The following SCFD2 variants were observed in gnomAD, a reference collection of about 807,000 sequenced individuals.
SCFD2 encodes sec1 family domain-containing protein 2.
SCFD2 carries 54 observed loss-of-function variants against 58.9 expected under a neutral mutation model. The observed-to-expected ratio is 0.92, with a 90% CI of 0.74 to 1.15. The LOEUF is 1.15. SCFD2 is among the 50% of genes most tolerant of loss of function. The pLI is 0.00. For missense variants in SCFD2, 805 were observed against 836.6 expected (o/e 0.96, Z 0.47); for synonymous variants, 321 against 335.9 (o/e 0.96, Z 0.49).
intron 4 of SCFD2, among the ~76,000 whole-genome samples, chr4:53,250,512 A>C (rs1249637502): frequency 6.6e-6 from 1 of 152,188 alleles, no homozygotes; most frequent in Non-Finnish European, 1.5e-5. Flanking sequence ...CTCCTCAGCA[A>C]ATGTAAAAGA....
intron 4 of SCFD2, among the ~76,000 whole-genome samples, chr4:53,256,588 T>C (rs773863673): frequency 3.3e-5 from 5 of 151,966 alleles, no homozygotes; most frequent in Admixed American, 6.6e-5. Context: ...CTGGGCACCA[T>C]TGAGCACTGA....
intron 4 of SCFD2, among the ~76,000 whole-genome samples, chr4:53,239,309 A>T (rs2149022650): frequency 6.6e-6 from 1 of 152,058 alleles, no homozygotes; most frequent in South Asian, 2.1e-4. Flanking sequence ...AGTACAGTCC[A>T]GCTTTGGCTC....
intron 4 of SCFD2, among the ~76,000 whole-genome samples, chr4:53,173,683 C>A (rs1008980422): frequency 6.6e-6 from 1 of 151,916 alleles, no homozygotes; most frequent in Non-Finnish European, 1.5e-5. Context: ...TCCTGTCTTC[C>A]TTTGTGGTTT....
chr4:53,150,162 C>G (rs551262400), intron 4 of SCFD2, among the ~76,000 whole-genome samples: 37 of 151,954 alleles, frequency 2.4e-4, no homozygotes, highest in South Asian at 1.2e-3. Flanking sequence ...TAAAGCTATT[C>G]TAAAATAAAA....
At chr4:53,042,938 T>C (rs1577680458) in intron 5 of SCFD2, among the ~76,000 whole-genome samples, 2 of 152,294 alleles carry the variant, frequency 1.3e-5, no homozygotes, top group African/African-American at 2.4e-5. Flanking sequence ...GGACTTACTC[T>C]ACTTATTCTG....
At chr4:53,055,834 G>A (rs1175485264) in intron 5 of SCFD2, among the ~76,000 whole-genome samples, 1 of 152,052 alleles carries the variant, frequency 6.6e-6, no homozygotes, top group African/African-American at 2.4e-5. Flanking sequence ...CTGGGTATTG[G>A]AGTGTGTGCC....
In SCFD2 at chr4:53,274,010, A is replaced by T. The variant is rs766240983; in HGVS notation, c.1136-9T>A. 3 of 1,604,820 alleles carry T rather than the reference A, an allele frequency of 1.9e-6. No individual in the cohort carries two copies. Among genetic ancestry groups the T allele is most frequent in the Non-Finnish European group, 2.6e-6 (3 of 1,175,798 alleles). On this transcript the variant is annotated splice_polypyrimidine_tract_variant and intron_variant, in intron 3 of 8. Transcript: ENST00000401642. The stretch of plus-strand genomic sequence containing the variant: ...TCCCGGTGTGACTCTCCCTGGAAAC[A>T]TAAGAATTTATCAGTGTACCCCCTT...
intron 2 of SCFD2, among the ~76,000 whole-genome samples, chr4:53,345,140 A>G (rs1031372433): frequency 1.1e-4 from 17 of 152,346 alleles, no homozygotes; most frequent in Admixed American, 1.1e-3. Context: ...AGCAAAAGAA[A>G]CTACCACAAG....
chr4:52,918,587 G>A (rs1719661823), intron 6 of SCFD2, among the ~76,000 whole-genome samples: 1 of 152,068 alleles, frequency 6.6e-6, no homozygotes, highest in Admixed American at 6.5e-5. Context: ...AGAAATCAGT[G>A]TTTCTCCTTA....
chr4:53,121,397 A>G (rs958256929), intron 5 of SCFD2, among the ~76,000 whole-genome samples: 2 of 152,190 alleles, frequency 1.3e-5, no homozygotes, highest in Non-Finnish European at 2.9e-5. Flanking sequence ...AAATCCAGCT[A>G]TTCATGTGAA....
At chr4:53,169,567 A>G (rs888358437) in intron 4 of SCFD2, among the ~76,000 whole-genome samples, 2 of 152,040 alleles carry the variant, frequency 1.3e-5, no homozygotes, top group Non-Finnish European at 2.9e-5. Context: ...ATATACCCAA[A>G]GTGGTATTGC....
At chr4:53,291,162 A>T (rs1169355100) in intron 3 of SCFD2, among the ~76,000 whole-genome samples, 1 of 152,180 alleles carries the variant, frequency 6.6e-6, no homozygotes, top group African/African-American at 2.4e-5. Context: ...ACTGCAGGTC[A>T]ATATTTCTGA....
intron 5 of SCFD2, among the ~76,000 whole-genome samples, chr4:52,959,897 A>AAC (rs10529140): frequency 0.12 from 16,938 of 138,074 alleles, 1,022 homozygotes; most frequent in South Asian, 0.21. Flanking sequence ...TCCAAATTGA[A>AAC]ACACACACAC....
chr4:52,936,284 C>T (rs1035585043), intron 5 of SCFD2, among the ~76,000 whole-genome samples: 43 of 152,234 alleles, frequency 2.8e-4, no homozygotes, highest in Non-Finnish European at 3.5e-4. Flanking sequence ...TAGCTCCACC[C>T]GCTTAAACTC....
intron 6 of SCFD2, among the ~76,000 whole-genome samples, chr4:52,916,373 C>T (rs1719606611): frequency 1.3e-5 from 2 of 152,216 alleles, no homozygotes; most frequent in Non-Finnish European, 2.9e-5. Flanking sequence ...AGTTCAAGAC[C>T]AGCCTCGCCA....
At chr4:53,312,230 CA>C (rs2149109942) in intron 3 of SCFD2, among the ~76,000 whole-genome samples, 1 of 152,256 alleles carries the variant, frequency 6.6e-6, no homozygotes, top group African/African-American at 2.4e-5. Flanking sequence ...TTTATTAATT[CA>C]AAACTAGTAA....
chr4:53,185,737 A>G (rs1232355551), intron 4 of SCFD2, among the ~76,000 whole-genome samples: 1 of 152,102 alleles, frequency 6.6e-6, no homozygotes, highest in Non-Finnish European at 1.5e-5. Context: ...ATCTTTAACT[A>G]AGGCTCTCAG....
At chr4:53,182,394 C>A (rs1156367291) in intron 4 of SCFD2, among the ~76,000 whole-genome samples, 2 of 152,060 alleles carry the variant, frequency 1.3e-5, no homozygotes, top group Non-Finnish European at 2.9e-5. Flanking sequence ...CAAAAACAAG[C>A]AATGGGGAAA....
intron 2 of SCFD2, among the ~76,000 whole-genome samples, chr4:53,323,010 C>A (rs1733072243): frequency 6.6e-6 from 1 of 152,214 alleles, no homozygotes; most frequent in Non-Finnish European, 1.5e-5. Context: ...GAAGAAGGTT[C>A]ATTTCAATCA....
Sources: gnomAD v4.1 joint callset for allele counts (sites outside exome capture counted in the v4.1 genomes callset) on GRCh38, gnomAD v4.1.1 for gene constraint, MANE v1.5 for transcripts, NCBI Gene and HGNC (gene_info 2026-07-23, HGNC 2026-07-21) for gene names.